Variants in HGS observed in about 807,000 individuals in gnomAD.
The protein encoded by HGS is hepatocyte growth factor-regulated tyrosine kinase substrate, also known as human growth factor-regulated tyrosine kinase substrate.
A neutral mutation model predicts 109.7 loss-of-function variants in HGS; 63 were observed. The observed-to-expected ratio is 0.57, with a 90% CI of 0.47 to 0.71. The LOEUF (loss-of-function observed/expected upper bound fraction) is 0.71, where lower values mean the gene tolerates loss of function less well. Ranked by LOEUF, HGS falls within the 30% of genes least tolerant of loss-of-function variation. The pLI is 0.00. For synonymous variants in HGS, 546 were observed against 437.3 expected (o/e 1.25, Z -3.10); for missense variants, 995 against 1,068.3 (o/e 0.93, Z 0.96).
intron 6 of HGS, 48 bp from the exon 7 acceptor site, chr17:81,690,626 G>C: frequency 6.4e-7 from 1 of 1,572,990 alleles, no homozygotes; most frequent in Non-Finnish European, 8.7e-7. Context: ...GTGCCTCTGG[G>C]GCTGGTGGGG....
chr17:81,684,259 C>G, intron 1 of HGS, 156 bp downstream of exon 1: 1 of 612,370 alleles, frequency 1.6e-6, no homozygotes, highest in Non-Finnish European at 2.4e-6. Context: ...GCCGCCGATC[C>G]TGGACCCTCG....
Position 81,693,667 on chromosome 17 carries a change from G to A in HGS, c.755G>A (p.Arg252Lys), listed in dbSNP as rs2037100524. 6 of 1,551,854 alleles carry A rather than the reference G, an allele frequency of 3.9e-6. No homozygotes were observed. The Admixed American group carries it at 5.9e-5, about 15-fold the overall frequency. The change falls in exon 10 of 22, where the codon AGG becomes AAG. Residue 252 changes from arginine (R) to lysine (K), a missense_variant. By Grantham distance (26) the Arg-to-Lys change is conservative (BLOSUM62 2). This residue lies in a region of HGS where 300 missense variants were observed against 235.4 expected (regional missense o/e 1.27). Transcript: ENST00000329138. ...LSQQSQLPPK[R>K]DETALQEEEE... ...GCTTGTCCTCAGCTGCCCCCCAAGA[G>A]GGACGAGACGGCCCTGCAGGAGGAG...
chr17:81,696,543 C>G lies in HGS; in HGVS notation c.1566+14C>G. ...CAGAAGAAGCAGGTGCAGTGGCTGC[C>G]CAGCCACAGGCCGGGGCCGGCTGGG... is the stretch of plus-strand genomic sequence containing the variant. On this transcript the variant is annotated intron_variant, in intron 16 of 21. Transcript: ENST00000329138. 1 of 1,536,306 alleles carries G rather than the reference C, an allele frequency of 6.5e-7. No individual in the cohort carries two copies. Among genetic ancestry groups the G allele is most frequent in the Non-Finnish European group, 8.8e-7 (1 of 1,138,688 alleles).
Position 81,684,042 on chromosome 17 carries a change from C to T in HGS, c.-25C>T, listed in dbSNP as rs946965084. The stretch of plus-strand genomic sequence containing the variant: ...GCTCGTAGCAGGGGAGCGCCCGCGG[C>T]GTCGGGTTTGGGCTGGAGGTCGCCA... On this transcript the variant is annotated 5_prime_UTR_variant, in exon 1 of 22. Coordinates refer to ENST00000329138, the MANE Select transcript of HGS (RefSeq NM_004712.5). The T allele has an allele frequency of 1.1e-5, 18 of 1,586,172 alleles. No homozygotes were observed. Among genetic ancestry groups the T allele is most frequent in the Non-Finnish European group, 1.5e-5 (17 of 1,169,458 alleles).
At position 81,701,358 on chromosome 17, in the gene HGS, G is replaced by T. The variant is rs751363187; in HGVS notation, c.2224-150G>T. 4.3e-6 allele frequency: 4 copies of T among 940,020 alleles called. No homozygotes were observed. In the East Asian group the frequency reaches 1.1e-4, roughly 25 times the overall value. 58.2% of individuals were successfully genotyped at this position (940,020 alleles called of 1,614,324 possible). Reference sequence around the variant, plus strand: ...GAAAAACCGTGAATTTACTTGAAAGGCAAAGGCCGCATGAGCTGGCTGCAT... The same window carrying T: ...GAAAAACCGTGAATTTACTTGAAAGTCAAAGGCCGCATGAGCTGGCTGCAT... On this transcript the variant is annotated intron_variant, in intron 21 of 21. Coordinates refer to ENST00000329138, the MANE Select transcript of HGS (RefSeq NM_004712.5).
chr17:81,688,049 G>A (rs902100466), intron 4 of HGS, among the ~76,000 whole-genome samples: 3 of 152,240 alleles, frequency 2.0e-5, no homozygotes, highest in Non-Finnish European at 2.9e-5. Context: ...AAGGGAAGGC[G>A]CCGCTGAGGA....
intron 4 of HGS, 107 bp from the exon 5 acceptor site, chr17:81,688,597 T>G: frequency 7.1e-7 from 1 of 1,415,612 alleles, no homozygotes; most frequent in Non-Finnish European, 9.7e-7. Context: ...GGCCTCTGTG[T>G]CAGCCCCATC....
rs374836076 is a variant in HGS, at chr17:81,696,732, C to T, written c.1692C>T (p.Pro564=). ...TGCGCGCGCAGATGCCCGCCTTCCC[C>T]CTGCCCTACGCCCAGGCATGTGCCA... is the stretch of plus-strand genomic sequence containing the variant. The part of the protein sequence containing the change: ...VQMRAQMPAF[P]LPYAQLQAMP... Residue 564 remains proline, a synonymous_variant, in exon 17 of 22, where the codon CCC becomes CCT. Coordinates refer to ENST00000329138, the MANE Select transcript of HGS (RefSeq NM_004712.5). 1.2e-5 allele frequency: 19 copies of T among 1,607,548 alleles called. No homozygotes were observed. Among genetic ancestry groups the T allele is most frequent in the African/African-American group, 1.1e-4 (8 of 74,876 alleles).
At chr17:81,695,117 G>T (rs764666884) in intron 13 of HGS, 47 bp from the exon 14 acceptor site, 4 of 1,613,268 alleles carry the variant, frequency 2.5e-6, no homozygotes, top group African/African-American at 2.7e-5. Flanking sequence ...CTTGGAAGGG[G>T]TGGATGCGGG....
Position 81,701,760 on chromosome 17 carries a change from A to G in HGS, c.*142A>G. ...CGAGTGAGGGGGGGCCTTCACCCCA[A>G]GCCCACCTCCCTTGTCCTCAGCCTA... On this transcript the variant is annotated 3_prime_UTR_variant, in exon 22 of 22. Coordinates refer to ENST00000329138, the MANE Select transcript of HGS (RefSeq NM_004712.5). The G allele has an allele frequency of 2.4e-6, 3 of 1,254,990 alleles. No homozygotes were observed. Among genetic ancestry groups the G allele is most frequent in the Non-Finnish European group, 3.2e-6 (3 of 934,318 alleles). The allele number at this position is 1,254,990 out of a possible 1,614,324, so 77.7% of individuals were successfully genotyped here. A position where few individuals can be genotyped will look rare whatever the true frequency, so the allele number is the denominator to read the frequency against.
At position 81,693,707 on chromosome 17, in the gene HGS, G is replaced by A. The variant is rs1598747426; in HGVS notation, c.795G>A (p.Leu265=). Residue 265 remains leucine (L), a synonymous_variant, in exon 10 of 22, where the codon CTG becomes CTA. Transcript: ENST00000329138. ...TGCAGGAGGAGGAGGAGCTGCAGCT[G>A]GCCCTGGCGCTGTCACAGTCAGAGG... ...TALQEEEELQ[L]ALALSQSEAE... 3 of 1,558,682 alleles carry A rather than the reference G, an allele frequency of 1.9e-6. No individual in the cohort carries two copies. The highest frequency in any genetic ancestry group is 2.6e-6 in the Non-Finnish European group (3 of 1,151,470).
chr17:81,693,713 G>C lies in HGS; in HGVS notation c.801G>C (p.Leu267=). Residue 267 remains leucine, a synonymous_variant, in exon 10 of 22, where the codon CTG becomes CTC. Transcript: ENST00000329138. ...AGGAGGAGGAGCTGCAGCTGGCCCT[G>C]GCGCTGTCACAGTCAGAGGCGGAGG... ...LQEEEELQLA[L]ALSQSEAEEK... 3.2e-6 allele frequency: 5 copies of C among 1,558,728 alleles called. No individual in the cohort carries two copies. The highest frequency in any genetic ancestry group is 4.3e-6 in the Non-Finnish European group (5 of 1,151,594).
intron 6 of HGS, 186 bp from the exon 7 acceptor site, chr17:81,690,487 GT>G: frequency 1.6e-6 from 1 of 622,692 alleles, no homozygotes; most frequent in Non-Finnish European, 2.8e-6. Context: ...GAGGAAGGAA[GT>G]CCCTTCCTCA....
rs1568213997 is a variant in HGS at position 81,690,174 on chromosome 17, C to G, written c.416-8C>G. 3 of 1,612,382 alleles carry G rather than the reference C, an allele frequency of 1.9e-6. No individual in the cohort carries two copies. The highest frequency in any genetic ancestry group is 2.5e-6 in the Non-Finnish European group (3 of 1,178,902). On this transcript the variant is annotated splice_region_variant and splice_polypyrimidine_tract_variant and intron_variant, in intron 5 of 21. Transcript: ENST00000329138. ...GAGCAGGCAGTGACTATGGCTTCATCTCTCCAGGGCACGTCTTTCCAGAAT... is the reference window on the plus strand; with the variant it reads ...GAGCAGGCAGTGACTATGGCTTCATGTCTCCAGGGCACGTCTTTCCAGAAT...
rs774796349 is a variant in HGS at position 81,701,578 on chromosome 17, C to T, written c.2294C>T (p.Pro765Leu). The change falls in exon 22 of 22, where the codon CCG becomes CTG. Residue 765 changes from proline (P) to leucine (L), a missense_variant. By Grantham distance (98) the Pro-to-Leu change is moderately conservative. This residue lies in a region of HGS where 326 missense variants were observed against 309.7 expected (regional missense o/e 1.05). Coordinates refer to ENST00000329138, the MANE Select transcript of HGS (RefSeq NM_004712.5). Reference protein sequence around the residue: ...VAQQPQAQGPPAQGSEAQLIS... With the variant: ...VAQQPQAQGPLAQGSEAQLIS... ...CAGCAACCGCAGGCACAGGGGCCGCCGGCACAGGGCAGCGAGGCCCAGCTC... is the reference window on the plus strand; with the variant it reads ...CAGCAACCGCAGGCACAGGGGCCGCTGGCACAGGGCAGCGAGGCCCAGCTC... The T allele has an allele frequency of 1.1e-5, 18 of 1,570,622 alleles. No individual in the cohort carries two copies. The highest frequency in any genetic ancestry group is 1.7e-4 in the Middle Eastern group (1 of 6,052).
chr17:81,701,216 G>A (rs1216406173), intron 21 of HGS, 85 bp downstream of exon 21: 2 of 1,253,306 alleles, frequency 1.6e-6, no homozygotes, highest in African/African-American at 3.0e-5. Context: ...TGGCCCCAGT[G>A]GGGATTGTCC....
intron 1 of HGS, chr17:81,684,426 A>C (rs1333538968): frequency 3.5e-6 from 1 of 289,532 alleles, no homozygotes; most frequent in Non-Finnish European, 6.4e-6. Context: ...CGAGTGGGCC[A>C]CAAGGCCTGA....
chr17:81,688,952 G>T, intron 5 of HGS, 125 bp downstream of exon 5: 2 of 1,328,706 alleles, frequency 1.5e-6, no homozygotes, highest in South Asian at 2.6e-5. Context: ...GGAGGAGGGC[G>T]GTGGCCTGGA....
intron 6 of HGS, 99 bp from the exon 7 acceptor site, chr17:81,690,575 C>T: frequency 8.3e-7 from 1 of 1,208,998 alleles, no homozygotes; most frequent in Non-Finnish European, 1.2e-6. Context: ...TGCTGGGGTC[C>T]TCTCTGGGTC....
Sources: gnomAD v4.1 joint callset for allele counts (sites outside exome capture counted in the v4.1 genomes callset) on GRCh38, gnomAD v4.1.1 for gene constraint, gnomAD v4.1.1 regional missense constraint, MANE v1.5 for transcripts, NCBI Gene and HGNC (gene_info 2026-07-23, HGNC 2026-07-21) for gene names.